FRMD4A: variants seen among roughly 807,000 people sequenced by gnomAD.
FRMD4A encodes FERM domain containing 4A.
A neutral mutation model predicts 129.1 loss-of-function variants in FRMD4A; 29 were observed. The observed-to-expected ratio is 0.22, with a 90% confidence interval of 0.17 to 0.31. The LOEUF is 0.31. Among genes scored for constraint, FRMD4A ranks in the 10% least tolerant of loss-of-function variants. The pLI, the probability that FRMD4A is intolerant of heterozygous loss-of-function variation, is 1.00. For synonymous variants in FRMD4A, 634 were observed against 571.6 expected (o/e 1.11, Z -1.56); for missense variants, 1,272 against 1,375.8 (o/e 0.92, Z 1.19).
At chr10:13,958,349 T>G (rs1436654857) in intron 2 of FRMD4A, among the ~76,000 whole-genome samples, 1 of 143,432 alleles carries the variant, frequency 7.0e-6, no homozygotes, top group Non-Finnish European at 1.5e-5. Context: ...AGTGGCGCGA[T>G]CTCGGCTCAC....
chr10:13,749,832 T>A (rs2091480614), intron 8 of FRMD4A, among the ~76,000 whole-genome samples: 4 of 151,462 alleles, frequency 2.6e-5, no homozygotes, highest in Admixed American at 2.6e-4. Context: ...CTACAAAAAA[T>A]ACAAAAATTA....
intron 2 of FRMD4A, among the ~76,000 whole-genome samples, chr10:14,247,417 C>G (rs939985074): frequency 6.6e-6 from 1 of 152,216 alleles, no homozygotes; most frequent in African/African-American, 2.4e-5. Flanking sequence ...TAGCACCTGT[C>G]AAAAGAAATA....
intron 16 of FRMD4A, 47 bp downstream of exon 16, chr10:13,674,864 A>G: frequency 6.3e-7 from 1 of 1,591,046 alleles, no homozygotes; most frequent in Non-Finnish European, 8.6e-7. Flanking sequence ...GATCAGTGAC[A>G]TCACAGACAA....
At chr10:14,246,607 G>A (rs1351151643) in intron 2 of FRMD4A, among the ~76,000 whole-genome samples, 1 of 152,124 alleles carries the variant, frequency 6.6e-6, no homozygotes, top group African/African-American at 2.4e-5. Flanking sequence ...ACACACATAT[G>A]TGCGCACACA....
Position 14,066,008 on chromosome 10 carries a change from T to TTGTGTGTGTGTGTGTGTG in FRMD4A, c.46-207114_46-207097dup, listed in dbSNP as rs61167438. Among the ~76,000 whole-genome samples the TTGTGTGTGTGTGTGTGTG allele has an allele frequency of 2.8e-3, 395 of 139,206 alleles. 5 individuals carry two copies. Among genetic ancestry groups the TTGTGTGTGTGTGTGTGTG allele is most frequent in the African/African-American group, 8.8e-3 (330 of 37,424 alleles). 91.3% of individuals were successfully genotyped at this position (139,206 alleles called of 152,430 possible). A position where few individuals can be genotyped will look rare whatever the true frequency, so the allele number is the denominator to read the frequency against. On this transcript the variant is annotated intron_variant, in intron 2 of 24. Coordinates refer to ENST00000357447, the MANE Select transcript of FRMD4A (RefSeq NM_018027.5). ...GGAAGTATGAAGTGGGGGTATGTAT[T>TTGTGTGTGTGTGTGTGTG]TGTGTGTGTGTGTGTGTGTGTGTGT...
intron 2 of FRMD4A, among the ~76,000 whole-genome samples, chr10:14,222,144 A>C (rs1030221168): frequency 6.6e-6 from 1 of 152,208 alleles, no homozygotes; most frequent in Non-Finnish European, 1.5e-5. Flanking sequence ...TCGATATTCA[A>C]ATGAGACTCA....
intron 2 of FRMD4A, among the ~76,000 whole-genome samples, chr10:14,277,212 C>T (rs1274351501): frequency 6.6e-6 from 1 of 152,126 alleles, no homozygotes. Flanking sequence ...AAGAAGCCCT[C>T]ACAGTAACAG....
At chr10:13,674,818 T>C in intron 16 of FRMD4A, 93 bp downstream of exon 16, 2 of 1,360,494 alleles carry the variant, frequency 1.5e-6, no homozygotes, top group Non-Finnish European at 2.1e-6. Flanking sequence ...ATGACATCAG[T>C]CAAATGACAT....
intron 12 of FRMD4A, among the ~76,000 whole-genome samples, chr10:13,731,717 TA>T (rs2090335466): frequency 6.6e-6 from 1 of 152,000 alleles, no homozygotes; most frequent in Non-Finnish European, 1.5e-5. Context: ...CTTGACCTCT[TA>T]AAAAGAACTT....
chr10:13,742,245 G>A (rs1028360140), intron 9 of FRMD4A, among the ~76,000 whole-genome samples: 1 of 152,198 alleles, frequency 6.6e-6, no homozygotes, highest in African/African-American at 2.4e-5. Context: ...TGGTGCCCAT[G>A]AGGTAGGAGA....
intron 2 of FRMD4A, among the ~76,000 whole-genome samples, chr10:14,178,501 A>ACTG (rs1841807046): frequency 1.3e-5 from 2 of 152,210 alleles, no homozygotes. Context: ...AATACTGATG[A>ACTG]CTGCACCTTT....
At chr10:14,107,189 G>C (rs1837631040) in intron 2 of FRMD4A, among the ~76,000 whole-genome samples, 1 of 152,116 alleles carries the variant, frequency 6.6e-6, no homozygotes, top group Non-Finnish European at 1.5e-5. Context: ...ATAGATACTG[G>C]AGACTACCAG....
At chr10:13,685,454 A>G (rs1376452598) in intron 15 of FRMD4A, 2 of 984,882 alleles carry the variant, frequency 2.0e-6, no homozygotes, top group African/African-American at 3.5e-5. Flanking sequence ...TGTAAATCCT[A>G]CAGTTTCCAT....
In FRMD4A at chr10:13,659,437, C is replaced by T. The variant is rs1406553630; in HGVS notation, c.1952G>A (p.Ser651Asn). Residue 651 changes from serine to asparagine, a missense_variant, in exon 21 of 25, where the codon AGC (serine) becomes AAC (asparagine). Around this residue, in one of 2 missense-constraint regions of FRMD4A, gnomAD observed 972 missense variants for 892.3 expected, o/e 1.09. Transcript: ENST00000357447. ...TGSCAEAGGG[S>N]NSLQNSPIRG... is the part of the protein sequence containing the mutation. ...GATGGGGCTGTTCTGCAAGGAGTTG[C>T]TTCCTCCGCCGGCTTCCGCACAGCT... 1 of 1,613,824 alleles carries T rather than the reference C, an allele frequency of 6.2e-7. No homozygotes were observed. The highest frequency in any genetic ancestry group is 8.5e-7 in the Non-Finnish European group (1 of 1,179,994).
intron 2 of FRMD4A, among the ~76,000 whole-genome samples, chr10:14,037,488 G>A (rs964303981): frequency 1.3e-5 from 2 of 152,178 alleles, no homozygotes; most frequent in Non-Finnish European, 2.9e-5. Flanking sequence ...AAAGTGCTGG[G>A]ATTACAGGTG....
At chr10:14,220,447 T>C (rs1393685173) in intron 2 of FRMD4A, among the ~76,000 whole-genome samples, 2 of 152,212 alleles carry the variant, frequency 1.3e-5, no homozygotes, top group African/African-American at 4.8e-5. Context: ...TCCCCATTAG[T>C]CAATCCCCTC....
chr10:14,031,283 T>C (rs1176115214), intron 2 of FRMD4A, among the ~76,000 whole-genome samples: 1 of 151,976 alleles, frequency 6.6e-6, no homozygotes, highest in Non-Finnish European at 1.5e-5. Flanking sequence ...TTTTTTTTTT[T>C]TGAGATGGAG....
chr10:13,964,001 T>TGAAA (rs1565124226), intron 2 of FRMD4A, among the ~76,000 whole-genome samples: 1 of 143,656 alleles, frequency 7.0e-6, no homozygotes, highest in Non-Finnish European at 1.5e-5. Context: ...TATAAAACCA[T>TGAAA]GAAACATTCA....
At chr10:13,780,489 C>T (rs2092707327) in intron 6 of FRMD4A, among the ~76,000 whole-genome samples, 1 of 152,104 alleles carries the variant, frequency 6.6e-6, no homozygotes, top group South Asian at 2.1e-4. Flanking sequence ...GGATACAGGA[C>T]AAGGGGCTGT....
Sources: gnomAD v4.1 joint callset for allele counts (sites outside exome capture counted in the v4.1 genomes callset) on GRCh38, gnomAD v4.1.1 for gene constraint, gnomAD v4.1.1 regional missense constraint, MANE v1.5 for transcripts, NCBI Gene and HGNC (gene_info 2026-07-23, HGNC 2026-07-21) for gene names.